BCAS1: variants seen among roughly 807,000 people sequenced by gnomAD.
The protein encoded by BCAS1 is brain enriched myelin associated protein 1.
Under a neutral mutation model 65.4 loss-of-function variants are expected in BCAS1, and 46 were observed. The ratio of observed to expected loss-of-function variants is 0.70; its 90% CI spans 0.55 to 0.90. The LOEUF (loss-of-function observed/expected upper bound fraction) is 0.90, where lower values mean the gene tolerates loss of function less well. Among genes scored for constraint, BCAS1 ranks in the 40% least tolerant of loss-of-function variants. The pLI, the probability that BCAS1 is intolerant of heterozygous loss-of-function variation, is 0.00. For synonymous variants in BCAS1, 298 were observed against 293.5 expected (o/e 1.02, Z -0.16); for missense variants, 793 against 771.2 (o/e 1.03, Z -0.33).
intron 8 of BCAS1, among the ~76,000 whole-genome samples, chr20:53,979,805 A>C (rs2090431539): frequency 6.6e-6 from 1 of 152,176 alleles, no homozygotes; most frequent in African/African-American, 2.4e-5. Context: ...TGTTTATGTA[A>C]AGCACTTAGC....
intron 6 of BCAS1, among the ~76,000 whole-genome samples, chr20:53,994,631 T>C (rs1208472001): frequency 1.3e-5 from 2 of 152,192 alleles, no homozygotes; most frequent in Non-Finnish European, 2.9e-5. Flanking sequence ...AGCTTTCTTC[T>C]ACTTTACATG....
At chr20:54,020,272 G>A (rs930553273) in intron 4 of BCAS1, among the ~76,000 whole-genome samples, 2 of 152,060 alleles carry the variant, frequency 1.3e-5, no homozygotes, top group Non-Finnish European at 2.9e-5. Context: ...CTGAGGGGGC[G>A]AGTCAGATGG....
rs151013732 is a variant in BCAS1, at chr20:53,976,287, C to T, written c.1276-857G>A. On this transcript the variant is annotated intron_variant, in intron 8 of 12. Transcript: ENST00000688948. ...CCACTTTGAGACTCATTTGATAGAT[C>T]TGGACTCTCCTCCCAGAGAAATGCA... Among the ~76,000 whole-genome samples the T allele has an allele frequency of 2.5e-3, 386 of 152,346 alleles. 2 individuals are homozygous for T. The highest frequency in any genetic ancestry group is 9.1e-3 in the African/African-American group (379 of 41,588).
chr20:54,030,866 T>C (rs1473133561), intron 3 of BCAS1, among the ~76,000 whole-genome samples: 1 of 151,252 alleles, frequency 6.6e-6, no homozygotes, highest in Non-Finnish European at 1.5e-5. Context: ...CAGGAATTCA[T>C]AATGATAGAA....
intron 4 of BCAS1, among the ~76,000 whole-genome samples, chr20:53,998,051 C>T (rs76166537): frequency 0.018 from 2,758 of 152,222 alleles, 66 homozygotes; most frequent in African/African-American, 0.047. Flanking sequence ...TCTAACAATT[C>T]GCAGTGTGTG....
Position 53,944,129 on chromosome 20 carries a change from C to T in BCAS1, c.*793G>A, listed in dbSNP as rs542925043. ...CGCTTATTCATTCCTTTTTCTATAC[C>T]CCACACATTCCGTTCTAGGAAATTG... On this transcript the variant is annotated 3_prime_UTR_variant, in exon 13 of 13. Transcript: ENST00000688948. 11 of 152,116 alleles carry T rather than the reference C, an allele frequency of 7.2e-5. No homozygotes were observed. Among genetic ancestry groups the T allele is most frequent in the African/African-American group, 2.7e-4 (11 of 41,494 alleles). 9.4% of individuals were successfully genotyped at this position (152,116 alleles called of 1,614,324 possible). A position where few individuals can be genotyped will look rare whatever the true frequency, so the allele number is the denominator to read the frequency against.
chr20:54,053,213 T>A (rs1054156776), intron 3 of BCAS1, among the ~76,000 whole-genome samples: 8 of 152,162 alleles, frequency 5.3e-5, no homozygotes, highest in African/African-American at 1.9e-4. Flanking sequence ...AACTGAGACA[T>A]TTTGATTTTT....
intron 8 of BCAS1, among the ~76,000 whole-genome samples, chr20:53,978,341 A>G (rs1353678515): frequency 1.3e-5 from 2 of 152,040 alleles, no homozygotes; most frequent in Non-Finnish European, 2.9e-5. Flanking sequence ...TTACTTAAAT[A>G]TATTTTTACT....
chr20:54,050,778 G>T (rs894764971), intron 3 of BCAS1, among the ~76,000 whole-genome samples: 1 of 152,032 alleles, frequency 6.6e-6, no homozygotes, highest in African/African-American at 2.4e-5. Context: ...ATGACTCTGG[G>T]GTCCCCCTTG....
chr20:53,966,642 A>G (rs2158977), intron 10 of BCAS1, among the ~76,000 whole-genome samples: 122,291 of 152,182 alleles, frequency 0.8, 50,001 homozygotes, highest in African/African-American at 0.94. Context: ...AAAAAATTCC[A>G]ACCCAAGGGC....
chr20:53,988,271 G>T (rs1481130944), intron 7 of BCAS1, among the ~76,000 whole-genome samples: 1 of 152,160 alleles, frequency 6.6e-6, no homozygotes. Context: ...TGGAGTGCCA[G>T]AATTTACCTG....
At chr20:54,062,139 A>C (rs1305671427) in intron 1 of BCAS1, among the ~76,000 whole-genome samples, 1 of 152,184 alleles carries the variant, frequency 6.6e-6, no homozygotes, top group Non-Finnish European at 1.5e-5. Context: ...ACAGACACCT[A>C]TGGCCTGCAA....
chr20:53,954,253 C>T (rs941689842), intron 11 of BCAS1, among the ~76,000 whole-genome samples: 5 of 148,208 alleles, frequency 3.4e-5, no homozygotes, highest in Middle Eastern at 3.6e-3. Flanking sequence ...AAAATCTCCC[C>T]GAAAAGGAAG....
intron 3 of BCAS1, among the ~76,000 whole-genome samples, chr20:54,029,865 G>T (rs892518829): frequency 6.6e-6 from 1 of 152,142 alleles, no homozygotes; most frequent in Non-Finnish European, 1.5e-5. Context: ...AAGTTCATGC[G>T]CTCTCTGTCT....
intron 3 of BCAS1, among the ~76,000 whole-genome samples, chr20:54,037,967 AT>A (rs1175756336): frequency 4.0e-5 from 6 of 151,428 alleles, no homozygotes; most frequent in African/African-American, 1.5e-4. Context: ...TGATATCTAT[AT>A]ATTTTTGGTT....
intron 7 of BCAS1, among the ~76,000 whole-genome samples, chr20:53,989,311 C>A (rs904252625): frequency 6.6e-6 from 1 of 152,126 alleles, no homozygotes; most frequent in East Asian, 1.9e-4. Context: ...AAAAACATTA[C>A]AAGGGCATGA....
At chr20:54,058,371 G>A (rs1444866373) in intron 2 of BCAS1, among the ~76,000 whole-genome samples, 2 of 152,118 alleles carry the variant, frequency 1.3e-5, no homozygotes, top group Non-Finnish European at 2.9e-5. Context: ...ACACCATGGT[G>A]CCTCAGCTCA....
At chr20:54,065,164 CATCTACTT>C (rs1248203965) in intron 1 of BCAS1, among the ~76,000 whole-genome samples, 1 of 120,918 alleles carries the variant, frequency 8.3e-6, no homozygotes, top group African/African-American at 2.9e-5. Context: ...ATCTATCTAT[CATCTACTT>C]TATCTATCTA....
Position 54,028,580 on chromosome 20 carries a change from C to A in BCAS1, c.535G>T (p.Gly179Ter), listed in dbSNP as rs761821717. 1 of 1,614,168 alleles carries A rather than the reference C, an allele frequency of 6.2e-7. No homozygotes were observed. The highest frequency in any genetic ancestry group is 2.2e-5 in the East Asian group (1 of 44,880). ...DPTLLPPETG[G>*]AGGEAPSKPK... The stretch of plus-strand genomic sequence containing the variant: ...TTGGAGGGAGCTTCTCCTCCTGCTC[C>A]CCCTGTCTCAGGTGGGAGAAGCGTG... Residue 179 changes from glycine to a stop codon, truncating the protein, a stop_gained, in exon 4 of 13, where the codon GGA becomes TGA. Coordinates refer to ENST00000688948, the MANE Select transcript of BCAS1 (RefSeq NM_001366298.2). LOFTEE classifies it high-confidence loss of function.
Sources: allele counts gnomAD v4.1 joint callset (sites outside exome capture counted in the v4.1 genomes callset), GRCh38; gene constraint gnomAD v4.1.1; transcripts MANE v1.5; gene names NCBI Gene and HGNC (gene_info 2026-07-23, HGNC 2026-07-21).